Variants in ANKRD30B observed in about 807,000 individuals in gnomAD.
ANKRD30B encodes ankyrin repeat domain-containing protein 30B.
ANKRD30B carries 144 observed loss-of-function variants against 202.2 expected under a neutral mutation model. The observed-to-expected ratio is 0.71, with a 90% CI of 0.62 to 0.82. ANKRD30B has a LOEUF of 0.82. Among genes scored for constraint, ANKRD30B ranks in the 40% least tolerant of loss-of-function variants. The probability of loss-of-function intolerance (pLI) is 0.00; values close to 1 mark genes in which losing one functional copy is unlikely to be tolerated. For synonymous variants in ANKRD30B, 508 were observed against 561.3 expected (o/e 0.91, Z 1.34); for missense variants, 1,487 against 1,669.1 (o/e 0.89, Z 1.90).
intron 34 of ANKRD30B, among the ~76,000 whole-genome samples, chr18:14,836,929 T>C (rs1409206969): frequency 6.6e-6 from 1 of 152,182 alleles, no homozygotes; most frequent in Non-Finnish European, 1.5e-5. Context: ...TGTGCCCTTA[T>C]GTATTTTATT....
chr18:14,818,372 T>A (rs1970226502), intron 30 of ANKRD30B, among the ~76,000 whole-genome samples: 3 of 152,160 alleles, frequency 2.0e-5, no homozygotes, highest in African/African-American at 7.2e-5. Flanking sequence ...TTCTTTTTTT[T>A]AATTATACTT....
chr18:14,819,585 C>A (rs1424275610), intron 30 of ANKRD30B, among the ~76,000 whole-genome samples: 30 of 151,086 alleles, frequency 2.0e-4, no homozygotes, highest in Middle Eastern at 3.4e-3. Context: ...ACATATGGCT[C>A]GCCAGTTTTC....
the ANKRD30B span, among the ~76,000 whole-genome samples, chr18:14,898,692 C>G: frequency 6.6e-6 from 1 of 152,152 alleles, no homozygotes; most frequent in Non-Finnish European, 1.5e-5. Context: ...ACCTGTCTGT[C>G]AGCTCTATAA....
chr18:14,920,263 CT>C, the ANKRD30B span, among the ~76,000 whole-genome samples: 1 of 152,212 alleles, frequency 6.6e-6, no homozygotes, highest in South Asian at 2.1e-4. Context: ...CTCACTGAAA[CT>C]TGTACATCTA....
At chr18:14,939,802 A>G in the ANKRD30B span, among the ~76,000 whole-genome samples, 1 of 152,254 alleles carries the variant, frequency 6.6e-6, no homozygotes, top group Non-Finnish European at 1.5e-5. Context: ...AGATAAAGCT[A>G]AAGATGAGCT....
chr18:14,880,491 T>C, the ANKRD30B span, among the ~76,000 whole-genome samples: 2 of 152,102 alleles, frequency 1.3e-5, no homozygotes, highest in African/African-American at 4.8e-5. Flanking sequence ...TTTCACAATA[T>C]TGGTTCTACC....
downstream of ANKRD30B, among the ~76,000 whole-genome samples, chr18:14,858,696 G>A (rs1211465428): frequency 1.0e-4 from 15 of 143,326 alleles, no homozygotes; most frequent in South Asian, 4.3e-4. Context: ...ATGGGTGGCC[G>A]GGCAGAGGCA....
intron 23 of ANKRD30B, 189 bp from the exon 24 acceptor site, chr18:14,803,545 G>C: frequency 1.6e-6 from 1 of 611,784 alleles, no homozygotes. Flanking sequence ...AAGGTAAGTT[G>C]ATGTGGAGAG....
chr18:14,891,161 G>A, the ANKRD30B span, among the ~76,000 whole-genome samples: 2 of 152,120 alleles, frequency 1.3e-5, no homozygotes, highest in African/African-American at 4.8e-5. Context: ...TCAATTATCT[G>A]TGTGATTGGG....
chr18:14,846,994 GT>G (rs1205788000), intron 39 of ANKRD30B, among the ~76,000 whole-genome samples: 3 of 141,514 alleles, frequency 2.1e-5, no homozygotes, highest in Non-Finnish European at 4.6e-5. Context: ...TCTTTGCTCT[GT>G]TTTGTTCTTT....
At chr18:14,918,271 C>T in the ANKRD30B span, among the ~76,000 whole-genome samples, 4 of 152,156 alleles carry the variant, frequency 2.6e-5, no homozygotes, top group Admixed American at 2.6e-4. Context: ...CTCAGGTATT[C>T]TCCTGAGGCA....
intron 32 of ANKRD30B, among the ~76,000 whole-genome samples, chr18:14,825,454 C>G (rs868051378): frequency 6.6e-6 from 1 of 151,992 alleles, no homozygotes; most frequent in African/African-American, 2.4e-5. Context: ...CAGTACAAAG[C>G]AATCATGCAC....
the ANKRD30B span, among the ~76,000 whole-genome samples, chr18:14,921,376 G>GCAACCAGCAGA: frequency 9.9e-4 from 148 of 148,928 alleles, no homozygotes; most frequent in African/African-American, 3.6e-3. Flanking sequence ...CTGTTGTGGT[G>GCAACCAGCAGA]GGTGGAGAGG....
chr18:14,895,996 T>G, the ANKRD30B span, among the ~76,000 whole-genome samples: 858 of 152,328 alleles, frequency 5.6e-3, 4 homozygotes, highest in African/African-American at 0.02. Flanking sequence ...AAGCAAAGCG[T>G]GGACCTTAGT....
At chr18:14,806,145 G>A (rs12455325) in intron 24 of ANKRD30B, among the ~76,000 whole-genome samples, 2,595 of 149,470 alleles carry the variant, frequency 0.017, 194 homozygotes, top group Admixed American at 0.11. Context: ...GCCTGAACCC[G>A]GGAGGTGGAG....
the ANKRD30B span, among the ~76,000 whole-genome samples, chr18:14,875,912 T>C: frequency 6.6e-6 from 1 of 152,186 alleles, no homozygotes; most frequent in Non-Finnish European, 1.5e-5. Context: ...CCCAGGGCTA[T>C]AGCAATGTGC....
the ANKRD30B span, among the ~76,000 whole-genome samples, chr18:14,891,746 C>G: frequency 1.3e-5 from 2 of 152,164 alleles, no homozygotes; most frequent in Non-Finnish European, 2.9e-5. Flanking sequence ...TCACTGAGAG[C>G]CAATTCTATG....
At chr18:14,823,502 G>T (rs2144124495) in intron 32 of ANKRD30B, among the ~76,000 whole-genome samples, 1 of 152,008 alleles carries the variant, frequency 6.6e-6, no homozygotes, top group Admixed American at 6.6e-5. Context: ...GTGTGTGCGT[G>T]TGTGACTTAT....
At position 14,796,347 on chromosome 18, in the gene ANKRD30B, C is replaced by T. The variant is rs1968890726; in HGVS notation, c.1859C>T (p.Thr620Ile). The T allele has an allele frequency of 6.3e-7, 1 of 1,590,402 alleles. No individual in the cohort carries two copies. The highest frequency in any genetic ancestry group is 1.4e-5 in the African/African-American group (1 of 74,038). The stretch of plus-strand genomic sequence containing the variant: ...TGTGTTTCCAAACCCATTTAGCCTA[C>T]CTGTGGAAGGAAAGTTTCTCTTCCA... ...SPVKDGLLKP[T>I]CGRKVSLPNK... Residue 620 changes from threonine to isoleucine, a missense_variant, in exon 18 of 44, where the codon ACC (threonine) becomes ATC (isoleucine). Physicochemically the swap from Thr to Ile is moderately conservative, Grantham distance 89. Coordinates refer to ENST00000690538, the MANE Select transcript of ANKRD30B (RefSeq NM_001367607.2).
Sources: allele counts gnomAD v4.1 joint callset (sites outside exome capture counted in the v4.1 genomes callset), GRCh38; gene constraint gnomAD v4.1.1; transcripts MANE v1.5; gene names NCBI Gene and HGNC (gene_info 2026-07-23, HGNC 2026-07-21).